ITGA4: variants seen among roughly 807,000 people sequenced by gnomAD.
ITGA4 encodes the protein integrin alpha-4.
A neutral mutation model predicts 133.6 loss-of-function variants in ITGA4; 63 were observed. That is an observed-to-expected ratio of 0.47 (90% confidence interval 0.38 to 0.58). The LOEUF (loss-of-function observed/expected upper bound fraction) is 0.58, where lower values mean the gene tolerates loss of function less well. Among genes scored for constraint, ITGA4 ranks in the 20% least tolerant of loss-of-function variants. ITGA4 has a pLI of 0.00. For missense variants in ITGA4, 1,076 were observed against 1,252.7 expected, an observed-to-expected ratio of 0.86 and a Z score of 2.13; for synonymous variants, 483 against 438.0, an observed-to-expected ratio of 1.10 and a Z score of -1.28.
At chr2:181,526,832 TTTTTTTTTTTTTTTTTTTTTTAA>T (rs1397136117) in intron 21 of ITGA4, among the ~76,000 whole-genome samples, 1 of 94,204 alleles carries the variant, frequency 1.1e-5, no homozygotes, top group African/African-American at 6.0e-5. Flanking sequence ...TTTTTTTTTT[TTTTTTTTTTTTTTTTTTTTTTAA>T]GAGTCTCGCT....
intron 2 of ITGA4, among the ~76,000 whole-genome samples, chr2:181,465,607 AGATTAATTG>A (rs1685393167): frequency 6.6e-6 from 1 of 152,172 alleles, no homozygotes; most frequent in Non-Finnish European, 1.5e-5. Flanking sequence ...TAAATCCAAG[AGATTAATTG>A]AAAACCATGG....
chr2:181,463,677 C>CT (rs759481203), intron 2 of ITGA4, among the ~76,000 whole-genome samples: 2 of 151,998 alleles, frequency 1.3e-5, no homozygotes, highest in African/African-American at 2.4e-5. Flanking sequence ...GTTTCGTTGG[C>CT]TTGAGATTCC....
chr2:181,499,765 A>G (rs1191323213), intron 15 of ITGA4, among the ~76,000 whole-genome samples: 1 of 152,214 alleles, frequency 6.6e-6, no homozygotes, highest in Non-Finnish European at 1.5e-5. Context: ...TAGGAATTAA[A>G]GAGGTTCTTT....
chr2:181,527,194 A>G lies in ITGA4; in HGVS notation c.2340-103A>G, dbSNP rs76764438. The G allele has an allele frequency of 1.2e-3, 782 of 650,844 alleles. 7 individuals carry two copies. In the African/African-American group the frequency reaches 0.013, roughly 11 times the overall value. 40.3% of individuals were successfully genotyped at this position (650,844 alleles called of 1,614,324 possible). On this transcript the variant is annotated intron_variant, in intron 21 of 27. Transcript: ENST00000397033. Reference sequence around the variant, plus strand: ...CTGACCACAAAACCAAAAGTATTCCATGGTGACTTGTAAATATGCTATAAT... The same window carrying G: ...CTGACCACAAAACCAAAAGTATTCCGTGGTGACTTGTAAATATGCTATAAT...
At chr2:181,533,510 A>G (rs1686988851) in intron 25 of ITGA4, among the ~76,000 whole-genome samples, 1 of 151,986 alleles carries the variant, frequency 6.6e-6, no homozygotes, top group Non-Finnish European at 1.5e-5. Flanking sequence ...GCATTGTAGG[A>G]TATTTAGTAT....
chr2:181,490,621 T>C (rs1270971630), intron 10 of ITGA4, among the ~76,000 whole-genome samples: 2 of 151,998 alleles, frequency 1.3e-5, no homozygotes, highest in South Asian at 2.1e-4. Flanking sequence ...AATGAGTCTA[T>C]AGAGCATGGG....
chr2:181,463,248 G>A (rs371961263), intron 2 of ITGA4, among the ~76,000 whole-genome samples: 29 of 152,156 alleles, frequency 1.9e-4, no homozygotes, highest in African/African-American at 6.0e-4. Flanking sequence ...GTAGGTTAGA[G>A]AGGCAGGCAG....
chr2:181,522,812 C>T (rs575747861), intron 18 of ITGA4, among the ~76,000 whole-genome samples: 5 of 152,284 alleles, frequency 3.3e-5, no homozygotes, highest in East Asian at 1.9e-4. Flanking sequence ...TGACCTCTCA[C>T]GAATATCTGT....
chr2:181,459,487 G>C lies in ITGA4; in HGVS notation c.319+1170G>C, dbSNP rs2105708128. On this transcript the variant is annotated intron_variant, in intron 2 of 27. Coordinates refer to ENST00000397033, the MANE Select transcript of ITGA4 (RefSeq NM_000885.6). ...TGCTCTTTTTCAAACTGTGAAGCTG[G>C]TTCCCTTCATTCAGATGAATTCAGA... 2.0e-5 allele frequency: 3 copies of C among 152,170 alleles called. No individual in the cohort carries two copies. In the Middle Eastern group the frequency reaches 0.01, roughly 518 times the overall value. The allele number at this position is 152,170 out of a possible 1,614,324, so 9.4% of individuals were successfully genotyped here. A position where few individuals can be genotyped will look rare whatever the true frequency, so the allele number is the denominator to read the frequency against.
intron 15 of ITGA4, among the ~76,000 whole-genome samples, chr2:181,503,565 C>CT (rs147081320): frequency 2.0e-4 from 20 of 101,758 alleles, no homozygotes; most frequent in African/African-American, 7.2e-4. Flanking sequence ...AAGAAATTGT[C>CT]TTTTTTTTTT....
chr2:181,484,643 G>T (rs1004683502), intron 9 of ITGA4, among the ~76,000 whole-genome samples: 3 of 152,180 alleles, frequency 2.0e-5, no homozygotes, highest in Non-Finnish European at 2.9e-5. Context: ...GTGAGTATCT[G>T]AAATGTAACC....
At chr2:181,503,050 A>G (rs1173179325) in intron 15 of ITGA4, among the ~76,000 whole-genome samples, 2 of 152,094 alleles carry the variant, frequency 1.3e-5, no homozygotes, top group African/African-American at 4.8e-5. Context: ...GACAATCAGC[A>G]AATTGTTGGA....
chr2:181,533,791 C>T (rs192549008), intron 25 of ITGA4, among the ~76,000 whole-genome samples: 1 of 152,218 alleles, frequency 6.6e-6, no homozygotes, highest in East Asian at 1.9e-4. Context: ...AAAACATCTC[C>T]TAAAGATTCT....
In ITGA4 at chr2:181,498,120, CAT is replaced by C. The variant is rs372147315; in HGVS notation, c.1541-502_1541-501del. Among the ~76,000 whole-genome samples, 34 of 151,970 alleles carry C rather than the reference CAT, an allele frequency of 2.2e-4. No individual in the cohort carries two copies. In the East Asian group the frequency reaches 5.6e-3, roughly 25 times the overall value. ...ACCGTATATATAGATTTGACTTAAT[CAT>C]GTGTTCACTTCATGTATAAAAAAAA... On this transcript the variant is annotated intron_variant, in intron 14 of 27. Coordinates refer to ENST00000397033, the MANE Select transcript of ITGA4 (RefSeq NM_000885.6).
chr2:181,471,615 T>C (rs1002839407), intron 2 of ITGA4, among the ~76,000 whole-genome samples: 2 of 152,176 alleles, frequency 1.3e-5, no homozygotes, highest in African/African-American at 4.8e-5. Context: ...TTTATCTATA[T>C]ATTAGAAGGC....
chr2:181,520,492 A>C (rs1033855752), intron 17 of ITGA4, among the ~76,000 whole-genome samples: 7 of 152,042 alleles, frequency 4.6e-5, no homozygotes, highest in Non-Finnish European at 1.0e-4. Context: ...TGCTTTCTTG[A>C]AAATGACCCT....
chr2:181,534,984 CT>C (rs749352410), intron 27 of ITGA4, 49 bp downstream of exon 27: 60 of 1,511,870 alleles, frequency 4.0e-5, no homozygotes, highest in Non-Finnish European at 5.2e-5. Context: ...ATGACATTTT[CT>C]CAAAGCCAAT....
intron 22 of ITGA4, 138 bp from the exon 23 acceptor site, chr2:181,529,403 T>TA: frequency 2.2e-6 from 1 of 447,788 alleles, no homozygotes; most frequent in East Asian, 3.6e-5. Flanking sequence ...CTCCCTTTGT[T>TA]ATGCAGCTGC....
chr2:181,529,736 G>A (rs1329328624), intron 23 of ITGA4, 88 bp downstream of exon 23: 5 of 693,880 alleles, frequency 7.2e-6, no homozygotes, highest in African/African-American at 3.6e-5. Flanking sequence ...GAGTAATGAT[G>A]TGAAAATGGA....
Sources: gnomAD v4.1 joint callset for allele counts (sites outside exome capture counted in the v4.1 genomes callset) on GRCh38, gnomAD v4.1.1 for gene constraint, MANE v1.5 for transcripts, NCBI Gene and HGNC (gene_info 2026-07-23, HGNC 2026-07-21) for gene names.